GREB1: variants seen among roughly 807,000 people sequenced by gnomAD.
The protein encoded by GREB1 is protein GREB1.
Under a neutral mutation model 200.7 loss-of-function variants are expected in GREB1, and 106 were observed. The observed-to-expected ratio is 0.53, with a 90% CI of 0.45 to 0.62. The LOEUF is 0.62. Among genes scored for constraint, GREB1 ranks in the 20% least tolerant of loss-of-function variants. GREB1 has a pLI of 0.00. For missense variants in GREB1, 2,243 were observed against 2,556.8 expected (o/e 0.88, Z 2.65); for synonymous variants, 1,132 against 1,092.4 (o/e 1.04, Z -0.72).
chr2:11,566,404 G>A (rs935713446), intron 3 of GREB1, 76 bp from the exon 4 acceptor site: 12 of 1,435,278 alleles, frequency 8.4e-6, no homozygotes, highest in African/African-American at 1.4e-5. Flanking sequence ...GACCCAGAAC[G>A]TTTCCTCCCT....
intron 10 of GREB1, chr2:11,592,186 T>C (rs1680790595): frequency 1.7e-6 from 1 of 598,314 alleles, no homozygotes; most frequent in Non-Finnish European, 2.1e-6. Context: ...CTTTTTTTTT[T>C]CTTTTTTTTT....
At chr2:11,521,933 G>A (rs776433835) in intron 1 of GREB1, among the ~76,000 whole-genome samples, 4 of 152,200 alleles carry the variant, frequency 2.6e-5, no homozygotes, top group Admixed American at 1.3e-4. Context: ...GTCCTGCAGC[G>A]ATCTGTGGTC....
chr2:11,496,718 C>CAG (rs1192962905), intron 1 of GREB1, among the ~76,000 whole-genome samples: 2 of 152,168 alleles, frequency 1.3e-5, no homozygotes, highest in Non-Finnish European at 2.9e-5. Context: ...AGAAATAATA[C>CAG]AGAGGTCTCA....
At chr2:11,611,102 G>C in intron 18 of GREB1, 75 bp downstream of exon 18, 1 of 1,273,950 alleles carries the variant, frequency 7.8e-7, no homozygotes, top group Non-Finnish European at 1.1e-6. Flanking sequence ...CAGAGGCAGG[G>C]AGTGTCACGA....
At chr2:11,502,002 C>T (rs1193740575) in intron 1 of GREB1, among the ~76,000 whole-genome samples, 2 of 144,372 alleles carry the variant, frequency 1.4e-5, no homozygotes, top group Admixed American at 1.4e-4. Flanking sequence ...CTGCAACCTC[C>T]ACCTCCCGGG....
chr2:11,483,389 C>G (rs2148387459), intron 1 of GREB1, among the ~76,000 whole-genome samples: 1 of 151,568 alleles, frequency 6.6e-6, no homozygotes, highest in Non-Finnish European at 1.5e-5. Flanking sequence ...ACATGGTGAG[C>G]CCTCGGTAGG....
At chr2:11,582,756 C>T (rs1217158332) in intron 7 of GREB1, among the ~76,000 whole-genome samples, 8 of 152,258 alleles carry the variant, frequency 5.3e-5, no homozygotes, top group Non-Finnish European at 1.0e-4. Flanking sequence ...GCTGAAGTGT[C>T]GGAGTTCCTG....
rs35311316 is a variant in GREB1 at position 11,535,915 on chromosome 2, C to CT, written c.-162+1671dup. 4.2e-4 allele frequency among the ~76,000 whole-genome samples: 63 copies of CT among 150,150 alleles called. 1 individual carries two copies. The highest frequency in any genetic ancestry group is 3.0e-3 in the South Asian group (14 of 4,718). Reference sequence around the variant, plus strand: ...TTCTTTCTTCTTGCTGCCCTGAACTCTTTTTTTTTTCCCTGTAAAATGCAA... The same window carrying CT: ...TTCTTTCTTCTTGCTGCCCTGAACTCTTTTTTTTTTTCCCTGTAAAATGCAA... On this transcript the variant is annotated intron_variant, in intron 1 of 32. Transcript: ENST00000381486.
chr2:11,523,792 C>T (rs1299121943), intron 1 of GREB1, among the ~76,000 whole-genome samples: 1 of 151,266 alleles, frequency 6.6e-6, no homozygotes, highest in African/African-American at 2.5e-5. Context: ...AGCTTCTTTG[C>T]CCCCGGCTTA....
rs559781892 is a variant in GREB1 at position 11,562,062 on chromosome 2, G to A, written c.158-401G>A. 6.0e-4 allele frequency among the ~76,000 whole-genome samples: 91 copies of A among 152,210 alleles called. 1 individual carries two copies. Among genetic ancestry groups the A allele is most frequent in the Non-Finnish European group, 8.1e-4 (55 of 68,044 alleles). ...TGGAACGCTACCATGTCCAGGCATTGCGCTCAGTCCTTATCAACCAATTCG... is the reference window on the plus strand; with the variant it reads ...TGGAACGCTACCATGTCCAGGCATTACGCTCAGTCCTTATCAACCAATTCG... On this transcript the variant is annotated intron_variant, in intron 2 of 32. Coordinates refer to ENST00000381486, the MANE Select transcript of GREB1 (RefSeq NM_014668.4).
Position 11,579,587 on chromosome 2 carries a change from C to T in GREB1, c.773-1117C>T, listed in dbSNP as rs151050169. On this transcript the variant is annotated intron_variant, in intron 6 of 32. Coordinates refer to ENST00000381486, the MANE Select transcript of GREB1 (RefSeq NM_014668.4). ...CACCCCCATTTTCTAGATGAGAACA[C>T]TGAGGCATAGGGAGGTTAAGTAAGT... Among the ~76,000 whole-genome samples, 433 of 152,334 alleles carry T rather than the reference C, an allele frequency of 2.8e-3. 3 individuals carry two copies. Among genetic ancestry groups the T allele is most frequent in the African/African-American group, 9.8e-3 (408 of 41,574 alleles).
rs1419897135 is a variant in GREB1 at position 11,618,659 on chromosome 2, C to G, written c.3784C>G (p.Pro1262Ala). The G allele has an allele frequency of 6.2e-7, 1 of 1,613,736 alleles. No individual in the cohort carries two copies. The highest frequency in any genetic ancestry group is 8.5e-7 in the Non-Finnish European group (1 of 1,179,986). The change falls in exon 22 of 33, where the codon CCC (proline) becomes GCC (alanine). Residue 1262 changes from proline (P) to alanine (A), a missense_variant. Coordinates refer to ENST00000381486, the MANE Select transcript of GREB1 (RefSeq NM_014668.4). ...ACRQPPIVFLPKLVYDMVVST... is the reference protein window; with the variant it reads ...ACRQPPIVFLAKLVYDMVVST... ...CCGCCAGCCACCCATTGTCTTCTTG[C>G]CCAAGCTCGTGTACGACATGGTTGT...
intron 1 of GREB1, among the ~76,000 whole-genome samples, chr2:11,535,168 G>A (rs1265089641): frequency 2.0e-5 from 3 of 152,144 alleles, no homozygotes; most frequent in African/African-American, 4.8e-5. Flanking sequence ...TGGTCCCAGC[G>A]CTGCTGTGCA....
chr2:11,612,229 A>G (rs1398313761), intron 18 of GREB1: 1 of 750,982 alleles, frequency 1.3e-6, no homozygotes, highest in Admixed American at 4.8e-5. Context: ...AGCAGCTGAC[A>G]ACATAGACTT....
At chr2:11,566,178 C>A (rs1423491310) in intron 3 of GREB1, among the ~76,000 whole-genome samples, 1 of 152,022 alleles carries the variant, frequency 6.6e-6, no homozygotes, top group Non-Finnish European at 1.5e-5. Context: ...GCCACTACGC[C>A]TGGCTAATTT....
At chr2:11,588,271 A>G in intron 9 of GREB1, 2 of 1,059,686 alleles carry the variant, frequency 1.9e-6, no homozygotes, top group Non-Finnish European at 2.3e-6. Context: ...CTCTGTGGTG[A>G]TATATTGTCC....
intron 1 of GREB1, among the ~76,000 whole-genome samples, chr2:11,500,003 G>A (rs1251541611): frequency 6.6e-6 from 1 of 150,918 alleles, no homozygotes; most frequent in Non-Finnish European, 1.5e-5. Flanking sequence ...TTTTTTTGAG[G>A]CGGAGTCTCA....
At chr2:11,546,331 A>G (rs946849622) in intron 1 of GREB1, among the ~76,000 whole-genome samples, 1 of 152,196 alleles carries the variant, frequency 6.6e-6, no homozygotes, top group African/African-American at 2.4e-5. Context: ...TACAGGAAAG[A>G]AATATTGGTT....
chr2:11,610,432 G>A (rs1572910273), intron 17 of GREB1, among the ~76,000 whole-genome samples: 1 of 152,220 alleles, frequency 6.6e-6, no homozygotes, highest in African/African-American at 2.4e-5. Flanking sequence ...CAGCTACTAA[G>A]TGCCAAATGC....
Sources: gnomAD v4.1 joint callset for allele counts (sites outside exome capture counted in the v4.1 genomes callset) on GRCh38, gnomAD v4.1.1 for gene constraint, MANE v1.5 for transcripts, NCBI Gene and HGNC (gene_info 2026-07-23, HGNC 2026-07-21) for gene names.